Variants in TTC29 observed in about 807,000 individuals in gnomAD.
TTC29 encodes tetratricopeptide repeat protein 29.
A neutral mutation model predicts 58.1 loss-of-function variants in TTC29; 49 were observed. The ratio of observed to expected loss-of-function variants is 0.84; its 90% CI spans 0.67 to 1.07. TTC29 has a LOEUF of 1.07. Ranked by LOEUF, TTC29 falls within the 50% of genes least tolerant of loss-of-function variation. The probability of loss-of-function intolerance (pLI) is 0.00; values close to 1 mark genes in which losing one functional copy is unlikely to be tolerated. For missense variants in TTC29, 582 were observed against 555.6 expected (o/e 1.05, Z -0.48); for synonymous variants, 209 against 196.8 (o/e 1.06, Z -0.52).
intron 8 of TTC29, among the ~76,000 whole-genome samples, chr4:146,842,211 G>T (rs1311452387): frequency 1.3e-5 from 2 of 151,964 alleles, no homozygotes; most frequent in African/African-American, 2.4e-5. Flanking sequence ...GCTGGCCTTT[G>T]CTTGAACAAT....
At chr4:146,728,215 G>A (rs969589965) in intron 11 of TTC29, among the ~76,000 whole-genome samples, 15 of 151,886 alleles carry the variant, frequency 9.9e-5, no homozygotes, top group African/African-American at 3.6e-4. Flanking sequence ...TGAACATGGA[G>A]GCAAAGGTTG....
intron 5 of TTC29, among the ~76,000 whole-genome samples, chr4:146,907,470 A>G (rs553446235): frequency 1.3e-5 from 2 of 152,244 alleles, no homozygotes; most frequent in East Asian, 3.9e-4. Context: ...TTTTGGGCAA[A>G]TACTAGAATG....
At chr4:146,897,994 G>GT (rs1313146750) in intron 6 of TTC29, among the ~76,000 whole-genome samples, 3 of 152,158 alleles carry the variant, frequency 2.0e-5, no homozygotes, top group East Asian at 1.9e-4. Context: ...AGAATTTATT[G>GT]TTTTTTTAGT....
chr4:146,876,378 G>T (rs1334278268), intron 6 of TTC29, among the ~76,000 whole-genome samples: 1 of 152,128 alleles, frequency 6.6e-6, no homozygotes, highest in African/African-American at 2.4e-5. Context: ...CCAAAAATTA[G>T]TTGAGTCCCT....
At chr4:146,863,673 G>A (rs899162320) in intron 8 of TTC29, among the ~76,000 whole-genome samples, 5 of 152,122 alleles carry the variant, frequency 3.3e-5, no homozygotes, top group African/African-American at 1.2e-4. Flanking sequence ...GATTATAGAG[G>A]CTGAGAAATC....
intron 4 of TTC29, among the ~76,000 whole-genome samples, chr4:146,922,523 T>G (rs563044295): frequency 6.6e-6 from 1 of 151,956 alleles, no homozygotes; most frequent in African/African-American, 2.4e-5. Context: ...TACTATATGC[T>G]TAATGATGTG....
chr4:146,730,673 G>A (rs996128333), intron 11 of TTC29, among the ~76,000 whole-genome samples: 3 of 152,138 alleles, frequency 2.0e-5, no homozygotes, highest in Non-Finnish European at 4.4e-5. Context: ...TTTATATGAC[G>A]AAGGAGTTAT....
At chr4:146,785,584 A>G (rs534889206) in intron 11 of TTC29, among the ~76,000 whole-genome samples, 36 of 152,250 alleles carry the variant, frequency 2.4e-4, no homozygotes, top group African/African-American at 8.7e-4. Context: ...CTATTTGAAG[A>G]CAGTTATTGG....
chr4:146,881,693 A>G (rs970532820), intron 6 of TTC29, among the ~76,000 whole-genome samples: 16 of 152,106 alleles, frequency 1.1e-4, no homozygotes, highest in Non-Finnish European at 2.1e-4. Flanking sequence ...GGCACTACAC[A>G]TGCTGAAATA....
chr4:146,911,088 C>T (rs1733865344), intron 4 of TTC29, among the ~76,000 whole-genome samples: 1 of 152,118 alleles, frequency 6.6e-6, no homozygotes, highest in East Asian at 1.9e-4. Flanking sequence ...GGGAGGATTA[C>T]CAACATCCCT....
intron 11 of TTC29, among the ~76,000 whole-genome samples, chr4:146,780,579 T>A (rs1206383186): frequency 1.3e-5 from 2 of 151,996 alleles, no homozygotes; most frequent in African/African-American, 2.4e-5. Context: ...GGAATTCTTC[T>A]CTATGATTAA....
chr4:146,712,419 T>C (rs1045830051), intron 11 of TTC29, among the ~76,000 whole-genome samples: 4 of 152,138 alleles, frequency 2.6e-5, no homozygotes, highest in Admixed American at 6.6e-5. Flanking sequence ...TGGATTGACA[T>C]AGACTCATGT....
chr4:146,894,361 T>C (rs1476300153), intron 6 of TTC29, among the ~76,000 whole-genome samples: 1 of 151,936 alleles, frequency 6.6e-6, no homozygotes, highest in Non-Finnish European at 1.5e-5. Flanking sequence ...TAAAAAATGA[T>C]GAGTTCATGT....
At chr4:146,776,918 G>T (rs564309559) in intron 11 of TTC29, among the ~76,000 whole-genome samples, 1 of 152,304 alleles carries the variant, frequency 6.6e-6, no homozygotes, top group Admixed American at 6.5e-5. Flanking sequence ...GTGTGGGGCT[G>T]CCTGCCTCCA....
At chr4:146,823,059 T>C (rs1751950762) in intron 9 of TTC29, among the ~76,000 whole-genome samples, 1 of 152,240 alleles carries the variant, frequency 6.6e-6, no homozygotes, top group South Asian at 2.1e-4. Flanking sequence ...AGGTTGCCTG[T>C]TCACTCTGAT....
intron 6 of TTC29, among the ~76,000 whole-genome samples, chr4:146,878,208 T>C (rs1731403247): frequency 6.6e-6 from 1 of 152,096 alleles, no homozygotes; most frequent in Non-Finnish European, 1.5e-5. Flanking sequence ...AGCTTTTCGG[T>C]TGGATTTGCT....
chr4:146,772,792 T>C (rs58024653), intron 11 of TTC29, among the ~76,000 whole-genome samples: 8,664 of 152,160 alleles, frequency 0.057, 846 homozygotes, highest in African/African-American at 0.2. Flanking sequence ...AGGAATAGCA[T>C]TGAATCTGTA....
At chr4:146,839,201 T>TAAG (rs1030641916) in intron 8 of TTC29, among the ~76,000 whole-genome samples, 7 of 152,118 alleles carry the variant, frequency 4.6e-5, no homozygotes, top group Non-Finnish European at 1.0e-4. Flanking sequence ...ACTGGCCTTA[T>TAAG]AAGTACTGTG....
Position 146,825,519 on chromosome 4 carries a change from C to T in TTC29, c.978-5271G>A, listed in dbSNP as rs142113860. ...CATTTGCTGAGGAGTGTTTTACTTCCAATTATGTGGTCAATTTTAGAATAA... is the reference window on the plus strand; with the variant it reads ...CATTTGCTGAGGAGTGTTTTACTTCTAATTATGTGGTCAATTTTAGAATAA... On this transcript the variant is annotated intron_variant, in intron 9 of 12. Transcript: ENST00000325106. Among the ~76,000 whole-genome samples, 76 of 152,182 alleles carry T rather than the reference C, an allele frequency of 5.0e-4. 1 individual carries two copies. Among genetic ancestry groups the T allele is most frequent in the Non-Finnish European group, 9.1e-4 (62 of 68,010 alleles).
Sources: gnomAD v4.1 joint callset for allele counts (sites outside exome capture counted in the v4.1 genomes callset) on GRCh38, gnomAD v4.1.1 for gene constraint, MANE v1.5 for transcripts, NCBI Gene and HGNC (gene_info 2026-07-23, HGNC 2026-07-21) for gene names.